NR3C2: variants seen among roughly 807,000 people sequenced by gnomAD.
NR3C2 encodes mineralocorticoid receptor.
A neutral mutation model predicts 86.4 loss-of-function variants in NR3C2; 15 were observed. That is an observed-to-expected ratio of 0.17 (90% CI 0.12 to 0.27). The LOEUF (loss-of-function observed/expected upper bound fraction) is 0.27, where lower values mean the gene tolerates loss of function less well. NR3C2 is among the 10% of genes least tolerant of loss of function. NR3C2 has a pLI of 1.00. For missense variants in NR3C2, 960 were observed against 1,195.6 expected, an observed-to-expected ratio of 0.80 and a Z score of 2.91; for synonymous variants, 458 against 450.5, an observed-to-expected ratio of 1.02 and a Z score of -0.21.
At chr4:148,382,100 C>T (rs1352856175) in intron 2 of NR3C2, among the ~76,000 whole-genome samples, 2 of 152,186 alleles carry the variant, frequency 1.3e-5, no homozygotes, top group African/African-American at 2.4e-5. Flanking sequence ...TCAAGCCCGA[C>T]CCTCAGGCTT....
chr4:148,261,677 T>C (rs1371075926), intron 2 of NR3C2, among the ~76,000 whole-genome samples: 4 of 152,184 alleles, frequency 2.6e-5, no homozygotes, highest in Non-Finnish European at 5.9e-5. Context: ...AGTTGCTGTA[T>C]GTCACTTCTA....
intron 2 of NR3C2, among the ~76,000 whole-genome samples, chr4:148,348,284 C>T (rs1745100751): frequency 6.6e-6 from 1 of 152,146 alleles, no homozygotes; most frequent in African/African-American, 2.4e-5. Context: ...ACAATATGCT[C>T]TGTCCTCCCA....
chr4:148,393,977 G>C (rs1747725106), intron 2 of NR3C2, among the ~76,000 whole-genome samples: 1 of 152,186 alleles, frequency 6.6e-6, no homozygotes, highest in Non-Finnish European at 1.5e-5. Flanking sequence ...AAGTGACACT[G>C]TGTGTGTCCA....
chr4:148,252,784 T>C (rs1377557233), intron 3 of NR3C2, among the ~76,000 whole-genome samples: 2 of 152,196 alleles, frequency 1.3e-5, no homozygotes, highest in Non-Finnish European at 2.9e-5. Flanking sequence ...GCTCAGTTTT[T>C]CCCTCTCTTG....
At chr4:148,415,615 T>A (rs941081245) in intron 2 of NR3C2, among the ~76,000 whole-genome samples, 2 of 152,136 alleles carry the variant, frequency 1.3e-5, no homozygotes, top group African/African-American at 2.4e-5. Context: ...CCTCCACCCG[T>A]CTGTCTAGGG....
intron 2 of NR3C2, among the ~76,000 whole-genome samples, chr4:148,377,939 T>C (rs1746761722): frequency 6.6e-6 from 1 of 152,158 alleles, no homozygotes; most frequent in Non-Finnish European, 1.5e-5. Flanking sequence ...CGGGCAAGCA[T>C]GGCATGGAAG....
intron 2 of NR3C2, among the ~76,000 whole-genome samples, chr4:148,417,898 C>T (rs991544976): frequency 2.0e-5 from 3 of 152,116 alleles, no homozygotes; most frequent in Non-Finnish European, 2.9e-5. Flanking sequence ...TATTTAGTGA[C>T]GTTTAATGTG....
In NR3C2 at chr4:148,296,044, C is replaced by CAAAA. The variant is rs529710200; in HGVS notation, c.1758-35931_1758-35928dup. Among the ~76,000 whole-genome samples the CAAAA allele has an allele frequency of 6.1e-4, 45 of 73,890 alleles. 3 individuals are homozygous for CAAAA. Among genetic ancestry groups the CAAAA allele is most frequent in the Non-Finnish European group, 9.1e-4 (37 of 40,804 alleles). 48.5% of individuals were successfully genotyped at this position (73,890 alleles called of 152,430 possible). A position where few individuals can be genotyped will look rare whatever the true frequency, so the allele number is the denominator to read the frequency against. Reference sequence around the variant, plus strand: ...AGAGGTCCTTAATATGAGCTGAGGCCAAAAAAAAAAAAAAAAAAAAAAGAG... The same window carrying CAAAA: ...AGAGGTCCTTAATATGAGCTGAGGCCAAAAAAAAAAAAAAAAAAAAAAAAAAGAG... On this transcript the variant is annotated intron_variant, in intron 2 of 8. Coordinates refer to ENST00000358102, the MANE Select transcript of NR3C2 (RefSeq NM_000901.5).
chr4:148,105,565 A>G (rs1327353352), intron 8 of NR3C2, among the ~76,000 whole-genome samples: 2 of 152,160 alleles, frequency 1.3e-5, no homozygotes, highest in Non-Finnish European at 2.9e-5. Flanking sequence ...CCTGGCAGAG[A>G]CACAACAAAA....
intron 2 of NR3C2, among the ~76,000 whole-genome samples, chr4:148,261,282 A>AGTGCTATGGT (rs1561006000): frequency 2.6e-5 from 3 of 114,390 alleles, no homozygotes; most frequent in African/African-American, 6.1e-5. Context: ...CACTATGGTA[A>AGTGCTATGGT]GCGCTATGGT....
At chr4:148,299,115 T>G (rs1270147076) in intron 2 of NR3C2, among the ~76,000 whole-genome samples, 1 of 152,120 alleles carries the variant, frequency 6.6e-6, no homozygotes, top group Non-Finnish European at 1.5e-5. Flanking sequence ...TTTGCTGAGA[T>G]CTTTCTTTTA....
chr4:148,319,843 T>C (rs972947554), intron 2 of NR3C2, among the ~76,000 whole-genome samples: 5 of 146,502 alleles, frequency 3.4e-5, no homozygotes, highest in Admixed American at 6.7e-5. Flanking sequence ...TTTGACTTCC[T>C]CTTTTCCTAA....
intron 2 of NR3C2, among the ~76,000 whole-genome samples, chr4:148,362,607 A>C (rs764265124): frequency 6.6e-6 from 1 of 152,146 alleles, no homozygotes; most frequent in Non-Finnish European, 1.5e-5. Context: ...AAAGTTACAG[A>C]GTTATAGGGA....
chr4:148,317,521 TA>T (rs1172938878), intron 2 of NR3C2, among the ~76,000 whole-genome samples: 1 of 152,032 alleles, frequency 6.6e-6, no homozygotes, highest in Admixed American at 6.5e-5. Flanking sequence ...GAACAACTTA[TA>T]AAAAGGTCAG....
intron 2 of NR3C2, among the ~76,000 whole-genome samples, chr4:148,417,447 TG>T (rs1445756558): frequency 1.3e-5 from 2 of 152,184 alleles, no homozygotes; most frequent in African/African-American, 4.8e-5. Flanking sequence ...ATCTAGTGTA[TG>T]GTGTTGGCAT....
chr4:148,179,101 A>G (rs17024456), intron 4 of NR3C2, among the ~76,000 whole-genome samples: 26,327 of 151,484 alleles, frequency 0.17, 2,870 homozygotes, highest in African/African-American at 0.25. Flanking sequence ...TAATGTAACA[A>G]TGTGAGGTGT....
In NR3C2 at chr4:148,216,354, A is replaced by G. The variant is rs575024549; in HGVS notation, c.1898-21492T>C. ...AACTGCCGAAGTCAAAAGTGTGCTTAAGCACTTTATTGGATCATTTAACTA... is the reference window on the plus strand; with the variant it reads ...AACTGCCGAAGTCAAAAGTGTGCTTGAGCACTTTATTGGATCATTTAACTA... On this transcript the variant is annotated intron_variant, in intron 3 of 8. Transcript: ENST00000358102. Among the ~76,000 whole-genome samples, 20 of 152,318 alleles carry G rather than the reference A, an allele frequency of 1.3e-4. No homozygotes were observed. In the South Asian group the frequency reaches 2.5e-3, roughly 19 times the overall value.
At chr4:148,248,861 T>G (rs1739440633) in intron 3 of NR3C2, among the ~76,000 whole-genome samples, 1 of 152,208 alleles carries the variant, frequency 6.6e-6, no homozygotes, top group Non-Finnish European at 1.5e-5. Flanking sequence ...CTTTAAAATA[T>G]AACGTTTATA....
chr4:148,297,797 G>A (rs370808701), intron 2 of NR3C2, among the ~76,000 whole-genome samples: 1 of 151,964 alleles, frequency 6.6e-6, no homozygotes, highest in African/African-American at 2.4e-5. Context: ...GCTGAGGCAG[G>A]AGAATTGCTT....
Sources: allele counts gnomAD v4.1 joint callset (sites outside exome capture counted in the v4.1 genomes callset), GRCh38; gene constraint gnomAD v4.1.1; transcripts MANE v1.5; gene names NCBI Gene and HGNC (gene_info 2026-07-23, HGNC 2026-07-21).